The following PRKCB variants were observed in gnomAD, a reference collection of about 807,000 sequenced individuals.
The protein encoded by PRKCB is protein kinase C beta type.
A neutral mutation model predicts 81.5 loss-of-function variants in PRKCB; 13 were observed. That is an observed-to-expected ratio of 0.16 (90% confidence interval 0.10 to 0.25). The LOEUF (loss-of-function observed/expected upper bound fraction) is 0.25, where lower values mean the gene tolerates loss of function less well. Ranked by LOEUF, PRKCB falls within the 10% of genes least tolerant of loss-of-function variation. PRKCB has a pLI of 1.00. For missense variants in PRKCB, 509 were observed against 875.7 expected (o/e 0.58, Z 5.29); for synonymous variants, 335 against 321.4 (o/e 1.04, Z -0.45).
chr16:24,174,428 C>T, intron 11 of PRKCB, 90 bp from the exon 12 acceptor site: 1 of 1,156,656 alleles, frequency 8.6e-7, no homozygotes, highest in African/African-American at 1.5e-5. Context: ...TGTCCTACAC[C>T]TAGTTCAATA....
chr16:23,865,565 GTGTGTA>G (rs1329584769), intron 2 of PRKCB, among the ~76,000 whole-genome samples: 1,429 of 8,110 alleles, frequency 0.18, 218 homozygotes, highest in African/African-American at 0.27. Context: ...GTGTGTGTGT[GTGTGTA>G]TATGTATATT....
At chr16:23,875,301 A>G (rs1345644766) in intron 2 of PRKCB, among the ~76,000 whole-genome samples, 2 of 151,650 alleles carry the variant, frequency 1.3e-5, no homozygotes. Context: ...AGTCTCCCAA[A>G]GTGCTGGGAT....
chr16:24,072,872 C>T (rs79391277), intron 5 of PRKCB, among the ~76,000 whole-genome samples: 3 of 152,262 alleles, frequency 2.0e-5, no homozygotes, highest in East Asian at 3.9e-4. Flanking sequence ...GTGCGCCACG[C>T]ACCTGGCCTA....
intron 2 of PRKCB, among the ~76,000 whole-genome samples, chr16:23,897,828 T>G (rs894059776): frequency 2.0e-5 from 3 of 152,008 alleles, no homozygotes; most frequent in Non-Finnish European, 4.4e-5. Flanking sequence ...CTCTCTCCCA[T>G]CCATCCATCC....
intron 5 of PRKCB, among the ~76,000 whole-genome samples, chr16:24,062,080 C>T (rs77686493): frequency 1.6e-4 from 24 of 152,326 alleles, no homozygotes; most frequent in Non-Finnish European, 3.1e-4. Flanking sequence ...TAGCAAGATA[C>T]GTTTCCAGTA....
At chr16:24,021,602 T>C (rs35564788) in intron 3 of PRKCB, among the ~76,000 whole-genome samples, 87,878 of 151,482 alleles carry the variant, frequency 0.58, 25,937 homozygotes, top group South Asian at 0.78. Flanking sequence ...GGTGGGAGAC[T>C]CTCTGGGGAG....
chr16:24,099,284 CGAG>C (rs1365416521), intron 7 of PRKCB: 1 of 152,122 alleles, frequency 6.6e-6, no homozygotes, highest in Non-Finnish European at 1.5e-5. Context: ...TCCTGGTGAC[CGAG>C]GAGAAGGGAC....
chr16:24,013,940 G>A (rs1284921526), intron 3 of PRKCB, among the ~76,000 whole-genome samples: 1 of 152,182 alleles, frequency 6.6e-6, no homozygotes, highest in Non-Finnish European at 1.5e-5. Context: ...CAGAGTCCCC[G>A]GTGCAGATGG....
intron 2 of PRKCB, among the ~76,000 whole-genome samples, chr16:23,870,160 C>T (rs1381310808): frequency 2.6e-5 from 4 of 152,158 alleles, no homozygotes; most frequent in Middle Eastern, 3.2e-3. Flanking sequence ...GTGTTCAAAA[C>T]ATACAAGCAC....
intron 16 of PRKCB, among the ~76,000 whole-genome samples, chr16:24,197,525 G>T (rs1358344034): frequency 6.6e-6 from 1 of 152,096 alleles, no homozygotes; most frequent in Admixed American, 6.5e-5. Context: ...GATCAGAGAG[G>T]CCAAAGGAAA....
chr16:23,882,021 T>TCTTTCTTCCTTCCTTC, intron 2 of PRKCB, among the ~76,000 whole-genome samples: 1,173 of 55,626 alleles, frequency 0.021, 108 homozygotes, highest in Non-Finnish European at 0.033. Flanking sequence ...TTTCTTTCTT[T>TCTTTCTTCCTTCCTTC]CTTCCTTCCT....
At chr16:24,168,529 T>TTGC (rs1967381626) in intron 10 of PRKCB, among the ~76,000 whole-genome samples, 1 of 133,352 alleles carries the variant, frequency 7.5e-6, no homozygotes. Context: ...ATTATTTTTC[T>TTGC]TTCTTCTTCT....
At chr16:24,003,728 G>A (rs1286729633) in intron 3 of PRKCB, among the ~76,000 whole-genome samples, 1 of 152,108 alleles carries the variant, frequency 6.6e-6, no homozygotes, top group Non-Finnish European at 1.5e-5. Flanking sequence ...TGTTCTGATG[G>A]AGTTGGTTCT....
intron 5 of PRKCB, among the ~76,000 whole-genome samples, chr16:24,091,178 G>A (rs62027372): frequency 1.6e-3 from 237 of 152,268 alleles, no homozygotes; most frequent in South Asian, 5.4e-3. Flanking sequence ...CCATGGTGCT[G>A]TTATTTCAGA....
chr16:24,147,316 A>AAAAAC (rs1338587667), intron 9 of PRKCB, among the ~76,000 whole-genome samples: 1 of 151,754 alleles, frequency 6.6e-6, no homozygotes, highest in East Asian at 1.9e-4. Flanking sequence ...CAAAAAAAAA[A>AAAAAC]AAAAAACTTC....
intron 10 of PRKCB, among the ~76,000 whole-genome samples, chr16:24,157,747 T>C (rs1213564509): frequency 6.8e-6 from 1 of 147,682 alleles, no homozygotes; most frequent in South Asian, 2.2e-4. Context: ...ATCTGATGGT[T>C]TTATGAGGGA....
chr16:24,050,622 C>T (rs1965829917), intron 5 of PRKCB, among the ~76,000 whole-genome samples: 1 of 152,218 alleles, frequency 6.6e-6, no homozygotes. Flanking sequence ...ACATTCTCCT[C>T]TCTTTTGTGG....
At chr16:23,870,030 A>AG (rs1962878544) in intron 2 of PRKCB, among the ~76,000 whole-genome samples, 3 of 151,914 alleles carry the variant, frequency 2.0e-5, no homozygotes. Flanking sequence ...TGAAAAAAAA[A>AG]AAAAGGGTAA....
At chr16:24,173,432 T>A (rs1467414607) in intron 11 of PRKCB, among the ~76,000 whole-genome samples, 1 of 152,160 alleles carries the variant, frequency 6.6e-6, no homozygotes, top group Non-Finnish European at 1.5e-5. Flanking sequence ...AGAGGCTTGG[T>A]GGCTCCTACC....
Sources: allele counts gnomAD v4.1 joint callset (sites outside exome capture counted in the v4.1 genomes callset), GRCh38; gene constraint gnomAD v4.1.1; transcripts MANE v1.5; gene names NCBI Gene and HGNC (gene_info 2026-07-23, HGNC 2026-07-21).